CHRNA3: variants seen among roughly 807,000 people sequenced by gnomAD.
CHRNA3 encodes neuronal acetylcholine receptor subunit alpha-3.
A neutral mutation model predicts 41.9 loss-of-function variants in CHRNA3; 34 were observed. The observed-to-expected ratio is 0.81, with a 90% CI of 0.62 to 1.08. The LOEUF (loss-of-function observed/expected upper bound fraction) is 1.08, where lower values mean the gene tolerates loss of function less well. Among genes scored for constraint, CHRNA3 ranks in the 50% least tolerant of loss-of-function variants. The pLI, the probability that CHRNA3 is intolerant of heterozygous loss-of-function variation, is 0.00. For missense variants in CHRNA3, 542 were observed against 638.3 expected (o/e 0.85, Z 1.63); for synonymous variants, 281 against 265.2 (o/e 1.06, Z -0.58).
Position 78,619,186 on chromosome 15 carries a change from C to G in CHRNA3, c.83-271G>C, listed in dbSNP as rs1056767762. On this transcript the variant is annotated intron_variant, in intron 1 of 5. Transcript: ENST00000326828. ...GGAGTTGGACAGATCTGGTGCAAAT[C>G]CTGACAAATCACTTGTAAGCTGTGT... 3 of 515,336 alleles carry G rather than the reference C, an allele frequency of 5.8e-6. No homozygotes were observed. In the Admixed American group the frequency reaches 1.0e-4, roughly 18 times the overall value. 31.9% of individuals were successfully genotyped at this position (515,336 alleles called of 1,614,324 possible). A position where few individuals can be genotyped will look rare whatever the true frequency, so the allele number is the denominator to read the frequency against.
At chr15:78,597,525 A>C (rs2053132761) in intron 5 of CHRNA3, among the ~76,000 whole-genome samples, 1 of 152,150 alleles carries the variant, frequency 6.6e-6, no homozygotes, top group South Asian at 2.1e-4. Flanking sequence ...TTCCCTCCCC[A>C]CTGCCCTCTC....
intron 5 of CHRNA3, among the ~76,000 whole-genome samples, chr15:78,600,709 C>T (rs1338110349): frequency 6.6e-6 from 1 of 151,746 alleles, no homozygotes; most frequent in Non-Finnish European, 1.5e-5. Context: ...AAAACCCCAT[C>T]GGTACAAAAA....
chr15:78,608,817 A>T (rs2053338358), intron 4 of CHRNA3, among the ~76,000 whole-genome samples: 1 of 144,758 alleles, frequency 6.9e-6, no homozygotes, highest in Non-Finnish European at 1.6e-5. Context: ...AATGGCAAAG[A>T]AGTTAAAAAC....
chr15:78,620,653 G>A (rs1041037837), intron 1 of CHRNA3, 60 bp downstream of exon 1: 75 of 1,487,762 alleles, frequency 5.0e-5, no homozygotes, highest in Non-Finnish European at 6.1e-5. Context: ...CAGCCCCTCC[G>A]GACCCCGCGC....
At chr15:78,618,073 C>T (rs1434220330) in intron 3 of CHRNA3, among the ~76,000 whole-genome samples, 1 of 152,106 alleles carries the variant, frequency 6.6e-6, no homozygotes, top group Non-Finnish European at 1.5e-5. Context: ...ATGGCGAAAC[C>T]CTGTCTCTAT....
intron 4 of CHRNA3, among the ~76,000 whole-genome samples, chr15:78,615,812 G>C (rs8043009): frequency 0.3 from 43,915 of 146,626 alleles, 7,654 homozygotes; most frequent in East Asian, 0.71. Context: ...TGTGATCTAG[G>C]TCACTGCAGC....
At chr15:78,599,459 G>T (rs1273668278) in intron 5 of CHRNA3, among the ~76,000 whole-genome samples, 1 of 151,810 alleles carries the variant, frequency 6.6e-6, no homozygotes, top group Non-Finnish European at 1.5e-5. Flanking sequence ...CAGGGGGAGG[G>T]GCTTGGTGGA....
intron 5 of CHRNA3, among the ~76,000 whole-genome samples, chr15:78,597,883 A>G (rs1276889627): frequency 6.6e-6 from 1 of 152,252 alleles, no homozygotes; most frequent in African/African-American, 2.4e-5. Flanking sequence ...AAGATTTTAC[A>G]TCACCATTGT....
intron 4 of CHRNA3, among the ~76,000 whole-genome samples, chr15:78,613,785 A>C (rs1164724611): frequency 6.8e-6 from 1 of 147,688 alleles, no homozygotes; most frequent in African/African-American, 2.5e-5. Context: ...ACCAAAAAAA[A>C]CCACAAAAAA....
Position 78,601,705 on chromosome 15 carries a change from T to C in CHRNA3, c.937A>G (p.Ile313Val). Residue 313 changes from isoleucine (I) to valine (V), a missense_variant, in exon 5 of 6, where the codon ATT becomes GTT. Coordinates refer to ENST00000326828, the MANE Select transcript of CHRNA3 (RefSeq NM_000743.5). ...LIGEYLLFTM[I>V]FVTLSIVITV... Reference sequence around the variant, plus strand: ...ATGACGATGGACAAGGTTACAAAAATCATGGTGAACAGGAGGTACTCTCCA... The same window carrying C: ...ATGACGATGGACAAGGTTACAAAAACCATGGTGAACAGGAGGTACTCTCCA... 1 of 1,614,006 alleles carries C rather than the reference T, an allele frequency of 6.2e-7. No homozygotes were observed. The highest frequency in any genetic ancestry group is 8.5e-7 in the Non-Finnish European group (1 of 1,180,000).
chr15:78,607,892 G>T (rs991226495), intron 4 of CHRNA3, among the ~76,000 whole-genome samples: 1 of 152,172 alleles, frequency 6.6e-6, no homozygotes, highest in East Asian at 1.9e-4. Context: ...TTTCCAACGG[G>T]CTTAAAAAAC....
chr15:78,608,275 T>C (rs1398706881), intron 4 of CHRNA3, among the ~76,000 whole-genome samples: 1 of 152,136 alleles, frequency 6.6e-6, no homozygotes. Context: ...CTCAAGTGGG[T>C]CCCTGACCCC....
chr15:78,607,339 A>G (rs1185105984), intron 4 of CHRNA3: 1 of 152,208 alleles, frequency 6.6e-6, no homozygotes, highest in Non-Finnish European at 1.5e-5. Flanking sequence ...TTGCCAGAAC[A>G]CAGAGTATAC....
intron 4 of CHRNA3, among the ~76,000 whole-genome samples, chr15:78,613,945 C>T (rs982866296): frequency 2.7e-5 from 4 of 150,002 alleles, no homozygotes; most frequent in African/African-American, 9.8e-5. Context: ...GACTCCATCT[C>T]GGGGTGGGGG....
intron 4 of CHRNA3, among the ~76,000 whole-genome samples, chr15:78,607,730 T>C (rs2141333468): frequency 6.6e-6 from 1 of 152,276 alleles, no homozygotes; most frequent in South Asian, 2.1e-4. Flanking sequence ...TGCAGGATAG[T>C]GGGTGCAGCG....
At chr15:78,613,956 G>GA (rs950568038) in intron 4 of CHRNA3, among the ~76,000 whole-genome samples, 5 of 151,232 alleles carry the variant, frequency 3.3e-5, no homozygotes, top group Admixed American at 2.6e-4. Flanking sequence ...GGGGTGGGGG[G>GA]AAAAAAAAGA....
At chr15:78,600,133 G>A (rs2053175393) in intron 5 of CHRNA3, 1 of 152,128 alleles carries the variant, frequency 6.6e-6, no homozygotes, top group Non-Finnish European at 1.5e-5. Context: ...CCAGGCTGGA[G>A]TGCAGTGGCA....
At chr15:78,612,969 A>G (rs1398983647) in intron 4 of CHRNA3, among the ~76,000 whole-genome samples, 1 of 152,186 alleles carries the variant, frequency 6.6e-6, no homozygotes, top group East Asian at 1.9e-4. Flanking sequence ...ACATGAAAAA[A>G]TGCTCATCGT....
chr15:78,596,738 A>G lies in CHRNA3; in HGVS notation c.1390-6T>C. ...TACTTCCAATCATCTTGAATCTGCA[A>G]AACAAAATGATAAAAGAAAAAAAAC... On this transcript the variant is annotated splice_polypyrimidine_tract_variant and splice_region_variant and intron_variant, in intron 5 of 5. Coordinates refer to ENST00000326828, the MANE Select transcript of CHRNA3 (RefSeq NM_000743.5). 1 of 1,593,358 alleles carries G rather than the reference A, an allele frequency of 6.3e-7. No individual in the cohort carries two copies. The highest frequency in any genetic ancestry group is 8.5e-7 in the Non-Finnish European group (1 of 1,175,132).
Sources: allele counts gnomAD v4.1 joint callset (sites outside exome capture counted in the v4.1 genomes callset), GRCh38; gene constraint gnomAD v4.1.1; transcripts MANE v1.5; gene names NCBI Gene and HGNC (gene_info 2026-07-23, HGNC 2026-07-21).